NKAIN2: variants seen among roughly 807,000 people sequenced by gnomAD.
NKAIN2 encodes the protein sodium/potassium-transporting ATPase subunit beta-1-interacting protein 2.
In NKAIN2, 14 loss-of-function variants were observed where a neutral mutation model predicts 32.6. The ratio of observed to expected loss-of-function variants is 0.43; its 90% CI spans 0.28 to 0.67. The LOEUF (loss-of-function observed/expected upper bound fraction) is 0.67. Ranked by LOEUF, NKAIN2 falls within the 30% of genes least tolerant of loss-of-function variation. The pLI is 0.17. For missense variants in NKAIN2, 198 were observed against 258.3 expected (o/e 0.77, Z 1.60); for synonymous variants, 80 against 87.2 (o/e 0.92, Z 0.46).
intron 1 of NKAIN2, among the ~76,000 whole-genome samples, chr6:124,248,859 A>T (rs376281884): frequency 5.5e-4 from 83 of 152,258 alleles, no homozygotes; most frequent in Non-Finnish European, 1.1e-3. Flanking sequence ...CTAACACAGG[A>T]TAAGGAAAGG....
intron 3 of NKAIN2, among the ~76,000 whole-genome samples, chr6:124,400,731 A>G (rs1442172523): frequency 1.3e-5 from 2 of 152,162 alleles, no homozygotes; most frequent in East Asian, 3.9e-4. Context: ...CACTTCAAAC[A>G]GAAGTATGAA....
At chr6:124,381,712 A>G (rs1772650167) in intron 3 of NKAIN2, among the ~76,000 whole-genome samples, 1 of 152,214 alleles carries the variant, frequency 6.6e-6, no homozygotes, top group African/African-American at 2.4e-5. Flanking sequence ...TTAGCCAAAT[A>G]TAAAAGGTTT....
intron 1 of NKAIN2, among the ~76,000 whole-genome samples, chr6:124,147,357 G>T (rs72976451): frequency 4.6e-5 from 7 of 152,088 alleles, no homozygotes; most frequent in African/African-American, 1.7e-4. Context: ...CTTGACCCGT[G>T]GTTGTTAAGG....
chr6:124,577,192 A>C (rs1781364657), intron 3 of NKAIN2, among the ~76,000 whole-genome samples: 1 of 152,198 alleles, frequency 6.6e-6, no homozygotes, highest in Non-Finnish European at 1.5e-5. Context: ...CTGCAGGAAC[A>C]CCAAATTGAA....
chr6:124,635,889 T>C (rs950291812), intron 3 of NKAIN2, among the ~76,000 whole-genome samples: 1 of 151,954 alleles, frequency 6.6e-6, no homozygotes, highest in African/African-American at 2.4e-5. Flanking sequence ...ATTATCCCGA[T>C]AGAAAATCAA....
At chr6:124,733,336 T>G (rs867378541) in intron 4 of NKAIN2, among the ~76,000 whole-genome samples, 1 of 151,916 alleles carries the variant, frequency 6.6e-6, no homozygotes, top group South Asian at 2.1e-4. Flanking sequence ...ATTTAGGAGG[T>G]TGGAAGAGCC....
At chr6:124,512,785 T>C (rs1322784546) in intron 3 of NKAIN2, among the ~76,000 whole-genome samples, 1 of 152,180 alleles carries the variant, frequency 6.6e-6, no homozygotes, top group African/African-American at 2.4e-5. Context: ...AAATAGATGA[T>C]AGTTGAAGGG....
At chr6:123,828,656 T>C (rs1477785976) in intron 1 of NKAIN2, 2 of 152,338 alleles carry the variant, frequency 1.3e-5, no homozygotes, top group Admixed American at 6.5e-5. Context: ...CACTTAACTT[T>C]TGTGCCTCCC....
chr6:124,729,864 T>G (rs373828492), intron 4 of NKAIN2, among the ~76,000 whole-genome samples: 1 of 151,612 alleles, frequency 6.6e-6, no homozygotes, highest in Admixed American at 6.6e-5. Flanking sequence ...AGCAAAGTCT[T>G]AGGATACAAA....
rs1353149621 is a variant in NKAIN2, at chr6:124,331,264, G to A, written c.193-24003G>A. Among the ~76,000 whole-genome samples the A allele has an allele frequency of 9.5e-5, 14 of 146,664 alleles. No homozygotes were observed. The Admixed American group carries it at 9.8e-4, about 10-fold the overall frequency. On this transcript the variant is annotated intron_variant, in intron 2 of 6. Coordinates refer to ENST00000368417, the MANE Select transcript of NKAIN2 (RefSeq NM_001040214.3). The stretch of plus-strand genomic sequence containing the variant: ...CGCCTATAATCCCAGCACTTTGGGA[G>A]GATGAGGCAGGCGTATCACGAGGTC...
chr6:124,747,499 CA>C (rs1334963771), intron 4 of NKAIN2, among the ~76,000 whole-genome samples: 1 of 151,768 alleles, frequency 6.6e-6, no homozygotes, highest in Admixed American at 6.6e-5. Context: ...TGCACCTTAT[CA>C]GAGAACAGCT....
chr6:124,506,598 T>C (rs923373951), intron 3 of NKAIN2, among the ~76,000 whole-genome samples: 2 of 152,112 alleles, frequency 1.3e-5, no homozygotes, highest in Non-Finnish European at 2.9e-5. Flanking sequence ...TTTAGGACAA[T>C]TGCAAGTGGA....
intron 1 of NKAIN2, among the ~76,000 whole-genome samples, chr6:124,068,241 G>A (rs1783284410): frequency 6.6e-6 from 1 of 152,060 alleles, no homozygotes; most frequent in African/African-American, 2.4e-5. Context: ...TTGAGTTAGA[G>A]AAGATGATAT....
chr6:124,807,316 G>A, intron 5 of NKAIN2, among the ~76,000 whole-genome samples: 1 of 151,710 alleles, frequency 6.6e-6, no homozygotes, highest in Non-Finnish European at 1.5e-5. Context: ...AATCAAACTA[G>A]AACTCAGGAT....
chr6:124,374,740 CATT>C (rs1799909023), intron 3 of NKAIN2, among the ~76,000 whole-genome samples: 1 of 152,100 alleles, frequency 6.6e-6, no homozygotes, highest in Admixed American at 6.6e-5. Context: ...GATGTTAAAA[CATT>C]ATTTATACTG....
intron 1 of NKAIN2, among the ~76,000 whole-genome samples, chr6:124,092,560 C>CT (rs1451426637): frequency 6.6e-6 from 1 of 152,018 alleles, no homozygotes; most frequent in African/African-American, 2.4e-5. Context: ...ACTCTAGACT[C>CT]TACCACTTCA....
chr6:124,691,530 G>T (rs994629174), intron 4 of NKAIN2, among the ~76,000 whole-genome samples: 1 of 151,836 alleles, frequency 6.6e-6, no homozygotes, highest in Non-Finnish European at 1.5e-5. Context: ...ACCGCCCCCC[G>T]CCCCACGTGT....
intron 4 of NKAIN2, among the ~76,000 whole-genome samples, chr6:124,666,560 C>T (rs897815389): frequency 2.6e-5 from 4 of 152,096 alleles, no homozygotes; most frequent in Admixed American, 1.3e-4. Flanking sequence ...ATATCATCCC[C>T]TTTGGAGTGT....
intron 3 of NKAIN2, among the ~76,000 whole-genome samples, chr6:124,395,429 T>C (rs1583181382): frequency 6.6e-6 from 1 of 152,348 alleles, no homozygotes; most frequent in Admixed American, 6.5e-5. Flanking sequence ...GATACACTTA[T>C]AACAAGTTAC....
Sources: gnomAD v4.1 joint callset for allele counts (sites outside exome capture counted in the v4.1 genomes callset) on GRCh38, gnomAD v4.1.1 for gene constraint, MANE v1.5 for transcripts, NCBI Gene and HGNC (gene_info 2026-07-23, HGNC 2026-07-21) for gene names.